Variants in PTCHD4 observed in about 807,000 individuals in gnomAD.
The protein encoded by PTCHD4 is patched domain-containing protein 4.
Under a neutral mutation model 58.1 loss-of-function variants are expected in PTCHD4, and 33 were observed. The observed-to-expected ratio is 0.57, with a 90% CI of 0.43 to 0.76. The LOEUF (loss-of-function observed/expected upper bound fraction) is 0.76. PTCHD4 is among the 30% of genes least tolerant of loss of function. The pLI is 0.00. For missense variants in PTCHD4, 1,058 were observed against 1,027.1 expected (o/e 1.03, Z -0.41); for synonymous variants, 478 against 409.6 (o/e 1.17, Z -2.02).
At chr6:47,968,044 G>T (rs879563360) in intron 4 of PTCHD4, among the ~76,000 whole-genome samples, 2 of 152,144 alleles carry the variant, frequency 1.3e-5, no homozygotes, top group Non-Finnish European at 2.9e-5. Flanking sequence ...ACTAGCTTTT[G>T]GCTTACCTCT....
Position 47,857,058 on chromosome 6 carries a change from A to T in PTCHD4, c.*21245T>A, listed in dbSNP as rs1763324556. On this transcript the variant is annotated 3_prime_UTR_variant, in exon 5 of 5. Transcript: ENST00000339488. ...GAGCCTTCTGGACCCAGCCCAAATAATCTTTTAGAGAAAATTTAGACACAA... is the reference window on the plus strand; with the variant it reads ...GAGCCTTCTGGACCCAGCCCAAATATTCTTTTAGAGAAAATTTAGACACAA... Among the ~76,000 whole-genome samples the T allele has an allele frequency of 6.6e-6, 1 of 152,042 alleles. No homozygotes were observed. The highest frequency in any genetic ancestry group is 2.4e-5 in the African/African-American group (1 of 41,422).
At chr6:47,982,427 T>C (rs1336388523) in intron 4 of PTCHD4, among the ~76,000 whole-genome samples, 1 of 151,926 alleles carries the variant, frequency 6.6e-6, no homozygotes, top group Non-Finnish European at 1.5e-5. Context: ...TGTGTAAAAA[T>C]GAAAACTTAA....
At chr6:48,015,347 C>T (rs1762832184) in intron 3 of PTCHD4, among the ~76,000 whole-genome samples, 1 of 151,994 alleles carries the variant, frequency 6.6e-6, no homozygotes, top group African/African-American at 2.4e-5. Flanking sequence ...AAAACCCTCC[C>T]CTGGTTTCCA....
intron 1 of PTCHD4, among the ~76,000 whole-genome samples, chr6:48,110,790 T>A (rs993861585): frequency 1.1e-4 from 14 of 128,248 alleles, no homozygotes; most frequent in East Asian, 4.5e-4. Flanking sequence ...TATATATATA[T>A]AAATATATAT....
At chr6:47,924,504 TG>T (rs1392781954) in intron 4 of PTCHD4, among the ~76,000 whole-genome samples, 1 of 152,126 alleles carries the variant, frequency 6.6e-6, no homozygotes, top group Non-Finnish European at 1.5e-5. Context: ...TATCATGGGC[TG>T]GTTCCTTAAA....
At chr6:47,993,473 G>T (rs1180960957) in intron 4 of PTCHD4, among the ~76,000 whole-genome samples, 3 of 152,198 alleles carry the variant, frequency 2.0e-5, no homozygotes, top group Non-Finnish European at 2.9e-5. Context: ...CTTGACAGTT[G>T]CCTGGCCTCT....
chr6:47,988,664 G>A (rs572833028), intron 4 of PTCHD4, among the ~76,000 whole-genome samples: 37 of 152,240 alleles, frequency 2.4e-4, no homozygotes, highest in African/African-American at 8.2e-4. Context: ...TCTATCAGGG[G>A]GTTCTGCTTT....
At chr6:47,961,708 G>A (rs1042724246) in intron 4 of PTCHD4, among the ~76,000 whole-genome samples, 2 of 152,044 alleles carry the variant, frequency 1.3e-5, no homozygotes, top group Admixed American at 6.6e-5. Flanking sequence ...TTTAAAAAAA[G>A]AAATTATTTT....
chr6:47,912,528 T>C (rs1544090), intron 4 of PTCHD4, among the ~76,000 whole-genome samples: 95,466 of 151,992 alleles, frequency 0.63, 30,782 homozygotes, highest in East Asian at 0.78. Flanking sequence ...TCTCTACATG[T>C]CCATTTTTCA....
rs570765484 is a variant in PTCHD4, at chr6:47,879,798, A to G, written c.1037T>C (p.Ile346Thr). The change falls in exon 5 of 5, where the codon ATC (isoleucine) becomes ACC (threonine). Residue 346 changes from isoleucine (I) to threonine (T), a missense_variant. Coordinates refer to ENST00000339488, the MANE Select transcript of PTCHD4 (RefSeq NM_001384253.1). ...TYTMTSSLYF[I>T]TFGMGASPFT... Reference sequence around the variant, plus strand: ...TGGGCTGGCACCCATGCCAAAAGTGATGAAGTACAGGGAGCTGGTCATGGT... The same window carrying G: ...TGGGCTGGCACCCATGCCAAAAGTGGTGAAGTACAGGGAGCTGGTCATGGT... 6.2e-7 allele frequency: 1 copy of G among 1,613,666 alleles called. No individual in the cohort carries two copies. The highest frequency in any genetic ancestry group is 1.1e-5 in the South Asian group (1 of 91,062).
chr6:47,924,511 T>C (rs56250534), intron 4 of PTCHD4, among the ~76,000 whole-genome samples: 16,207 of 152,082 alleles, frequency 0.11, 880 homozygotes, highest in Middle Eastern at 0.13. Context: ...GGCTGGTTCC[T>C]TAAACTCTGT....
At chr6:48,090,300 T>C (rs1765339320) in intron 1 of PTCHD4, among the ~76,000 whole-genome samples, 1 of 152,188 alleles carries the variant, frequency 6.6e-6, no homozygotes, top group Admixed American at 6.5e-5. Flanking sequence ...TTTGTCATTT[T>C]TACATGATCA....
chr6:47,863,249 T>C lies in PTCHD4; in HGVS notation c.*15054A>G, dbSNP rs550068941. On this transcript the variant is annotated 3_prime_UTR_variant, in exon 5 of 5. Coordinates refer to ENST00000339488, the MANE Select transcript of PTCHD4 (RefSeq NM_001384253.1). ...TAAGGAAAAGAATGCAAAAATATCA[T>C]ACATTTGAAAATTTTATATAAACAT... 7.9e-4 allele frequency among the ~76,000 whole-genome samples: 120 copies of C among 152,018 alleles called. No individual in the cohort carries two copies. The highest frequency in any genetic ancestry group is 5.1e-3 in the Admixed American group (78 of 15,240).
chr6:48,079,606 A>G (rs1765124896), intron 1 of PTCHD4, among the ~76,000 whole-genome samples: 1 of 151,412 alleles, frequency 6.6e-6, no homozygotes, highest in South Asian at 2.1e-4. Context: ...GGTTTGGCAC[A>G]GAGAGAGTGT....
intron 4 of PTCHD4, among the ~76,000 whole-genome samples, chr6:47,928,397 G>A (rs962259082): frequency 1.3e-5 from 2 of 152,176 alleles, no homozygotes; most frequent in Non-Finnish European, 2.9e-5. Context: ...TGGATCAAAG[G>A]CAGGGGCCTT....
In PTCHD4 at chr6:47,970,507, G is replaced by T. The variant is rs138087313; in HGVS notation, c.898+38127C>A. Among the ~76,000 whole-genome samples, 448 of 152,226 alleles carry T rather than the reference G, an allele frequency of 2.9e-3. 3 individuals are homozygous for T. Among genetic ancestry groups the T allele is most frequent in the African/African-American group, 0.01 (425 of 41,528 alleles). On this transcript the variant is annotated intron_variant, in intron 4 of 4. Transcript: ENST00000339488. ...TGTGAGGCTTGCCTGAGAAGACCAG[G>T]CCTGGTTGAAATCTTCTTAAGAGGC... is the stretch of plus-strand genomic sequence containing the variant.
intron 4 of PTCHD4, among the ~76,000 whole-genome samples, chr6:48,006,503 A>C (rs1188224548): frequency 6.6e-6 from 1 of 152,148 alleles, no homozygotes; most frequent in Non-Finnish European, 1.5e-5. Flanking sequence ...CCTCCAATGA[A>C]CTATGTTTCA....
chr6:47,971,382 T>C (rs1054006893), intron 4 of PTCHD4, among the ~76,000 whole-genome samples: 9 of 151,930 alleles, frequency 5.9e-5, no homozygotes, highest in African/African-American at 1.9e-4. Flanking sequence ...GTCGTCCAAA[T>C]TGAAATGGCC....
intron 4 of PTCHD4, among the ~76,000 whole-genome samples, chr6:47,953,270 A>G (rs944084849): frequency 1.3e-5 from 2 of 152,178 alleles, no homozygotes; most frequent in East Asian, 3.8e-4. Flanking sequence ...CTTATCTTTC[A>G]TCAGCATTTT....
Sources: gnomAD v4.1 joint callset for allele counts (sites outside exome capture counted in the v4.1 genomes callset) on GRCh38, gnomAD v4.1.1 for gene constraint, MANE v1.5 for transcripts, NCBI Gene and HGNC (gene_info 2026-07-23, HGNC 2026-07-21) for gene names.